Variants in MADD observed in about 807,000 individuals in gnomAD.
MADD encodes MAP kinase-activating death domain protein.
In MADD, 109 loss-of-function variants were observed where a neutral mutation model predicts 176.7. The ratio of observed to expected loss-of-function variants is 0.62; its 90% CI spans 0.53 to 0.72. The LOEUF is 0.72. Among genes scored for constraint, MADD ranks in the 30% least tolerant of loss-of-function variants. The pLI, the probability that MADD is intolerant of heterozygous loss-of-function variation, is 0.00. For synonymous variants in MADD, 771 were observed against 771.3 expected (o/e 1.00, Z 0.01); for missense variants, 1,914 against 2,045.5 (o/e 0.94, Z 1.24).
chr11:47,284,694 C>T (rs2059398152), intron 12 of MADD, 129 bp downstream of exon 12: 2 of 1,327,624 alleles, frequency 1.5e-6, no homozygotes, highest in African/African-American at 3.0e-5. Flanking sequence ...CTTCATGGGC[C>T]CTAGAGCTTA....
At chr11:47,289,462 C>T (rs2063398628) in exon 16 of MADD, 1 of 1,614,052 alleles carries the variant, frequency 6.2e-7, no homozygotes, top group African/African-American at 1.3e-5. Context: ...AAGAGAACCT[C>T]CATCACCCCA....
chr11:47,311,404 A>G (rs751790635), intron 25 of MADD, among the ~76,000 whole-genome samples: 1 of 152,160 alleles, frequency 6.6e-6, no homozygotes, highest in Non-Finnish European at 1.5e-5. Flanking sequence ...TCTGAATTAC[A>G]CTATGAAGAG....
exon 21 of MADD, chr11:47,295,508 G>A: frequency 3.1e-6 from 5 of 1,614,062 alleles, no homozygotes; most frequent in Non-Finnish European, 4.2e-6. Context: ...GACTGATCAA[G>A]ACTCTGTCAT....
exon 13 of MADD, chr11:47,285,179 A>C: frequency 1.9e-6 from 3 of 1,613,908 alleles, no homozygotes; most frequent in Non-Finnish European, 2.5e-6. Flanking sequence ...TTCAGCCAAC[A>C]TGTCAGTGGC....
chr11:47,293,794 TG>T, intron 19 of MADD, 88 bp from the exon 22 acceptor site: 1 of 830,040 alleles, frequency 1.2e-6, no homozygotes, highest in East Asian at 2.5e-5. Flanking sequence ...TGAACGGGTC[TG>T]GGAACAGCCT....
At chr11:47,313,002 G>A (rs2090680727) in intron 26 of MADD, among the ~76,000 whole-genome samples, 1 of 152,132 alleles carries the variant, frequency 6.6e-6, no homozygotes, top group Non-Finnish European at 1.5e-5. Context: ...TACTGGAAAG[G>A]ACAATTAATA....
chr11:47,275,673 G>A (rs2049043851), intron 3 of MADD, among the ~76,000 whole-genome samples: 1 of 152,180 alleles, frequency 6.6e-6, no homozygotes, highest in South Asian at 2.1e-4. Flanking sequence ...CTGGAATTTG[G>A]TGTTTTAACT....
intron 15 of MADD, 72 bp from the exon 16 acceptor site, chr11:47,288,896 T>C: frequency 9.2e-7 from 1 of 1,086,946 alleles, no homozygotes; most frequent in Admixed American, 2.3e-5. Context: ...TTATCTGGCT[T>C]ACTGCTCCTC....
chr11:47,275,252 A>C, intron 3 of MADD, 93 bp downstream of exon 3: 1 of 1,082,666 alleles, frequency 9.2e-7, no homozygotes, highest in Middle Eastern at 2.5e-4. Context: ...TCTACAGCTC[A>C]AGGTCCTTCA....
At chr11:47,284,139 T>G in intron 10 of MADD, 39 bp from the exon 11 acceptor site, 2 of 1,401,568 alleles carry the variant, frequency 1.4e-6, no homozygotes, top group Non-Finnish European at 2.0e-6. Context: ...TCCCTGCCCC[T>G]TTCTGTTTTG....
At chr11:47,281,729 T>C in exon 8 of MADD, 1 of 1,607,276 alleles carries the variant, frequency 6.2e-7, no homozygotes, top group Non-Finnish European at 8.5e-7. Context: ...GGCAATGATG[T>C]GGATTCTGTG....
chr11:47,291,841 C>T (rs973542499), intron 19 of MADD, among the ~76,000 whole-genome samples: 1 of 152,192 alleles, frequency 6.6e-6, no homozygotes, highest in African/African-American at 2.4e-5. Flanking sequence ...TCTGAAGTTC[C>T]TTCCAGGAAA....
exon 2 of MADD, chr11:47,273,918 G>A: frequency 1.9e-6 from 3 of 1,613,948 alleles, no homozygotes; most frequent in Non-Finnish European, 2.5e-6. Context: ...TGGAACCATG[G>A]TGCAAAAGAA....
exon 21 of MADD, chr11:47,295,569 T>C (rs1465087398): frequency 1.9e-6 from 3 of 1,613,994 alleles, no homozygotes. Flanking sequence ...GATTCTGAAG[T>C]TAGCACCGTG....
chr11:47,315,418 C>A, intron 27 of MADD, 91 bp downstream of exon 30: 1 of 691,680 alleles, frequency 1.4e-6, no homozygotes, highest in Non-Finnish European at 2.6e-6. Context: ...TCTCATTTAT[C>A]TCATTCATCT....
chr11:47,326,610 A>T, intron 30 of MADD, 58 bp downstream of exon 34: 1 of 1,475,638 alleles, frequency 6.8e-7, no homozygotes, highest in Non-Finnish European at 9.0e-7. Context: ...GTGCGTGTGG[A>T]TTCTTCTGTC....
intron 27 of MADD, among the ~76,000 whole-genome samples, chr11:47,320,111 C>T (rs1426566608): frequency 2.1e-5 from 3 of 142,078 alleles, no homozygotes; most frequent in African/African-American, 5.2e-5. Flanking sequence ...CATTAGATGT[C>T]GTATGGTGTA....
chr11:47,283,088 T>C, intron 10 of MADD, 119 bp downstream of exon 10: 1 of 818,650 alleles, frequency 1.2e-6, no homozygotes, highest in Non-Finnish European at 1.7e-6. Context: ...TTAATTTTAT[T>C]TTATTTTATT....
At chr11:47,276,677 C>G in intron 4 of MADD, 55 bp from the exon 5 acceptor site, 2 of 1,595,530 alleles carry the variant, frequency 1.3e-6, no homozygotes, top group Non-Finnish European at 1.7e-6. Context: ...AAGCTGTTTT[C>G]TTGTAAACCA....
Sources: allele counts gnomAD v4.1 joint callset (sites outside exome capture counted in the v4.1 genomes callset), GRCh38; gene constraint gnomAD v4.1.1; transcripts MANE v1.5; gene names NCBI Gene and HGNC (gene_info 2026-07-23, HGNC 2026-07-21).